Variants in TAFA1 observed in about 807,000 individuals in gnomAD.
The protein encoded by TAFA1 is chemokine-like protein TAFA-1.
Under a neutral mutation model 18.5 loss-of-function variants are expected in TAFA1, and 4 were observed. That is an observed-to-expected ratio of 0.22 (90% CI 0.11 to 0.49). The LOEUF (loss-of-function observed/expected upper bound fraction) is 0.49. Among genes scored for constraint, TAFA1 ranks in the 20% least tolerant of loss-of-function variants. TAFA1 has a pLI of 0.98. For synonymous variants in TAFA1, 56 were observed against 55.2 expected (o/e 1.01, Z -0.06); for missense variants, 147 against 169.0 (o/e 0.87, Z 0.72).
At chr3:68,193,896 T>A (rs2066378801) in intron 2 of TAFA1, among the ~76,000 whole-genome samples, 1 of 151,744 alleles carries the variant, frequency 6.6e-6, no homozygotes, top group Non-Finnish European at 1.5e-5. Flanking sequence ...GGTTTGCAGT[T>A]CAGTTGTGGT....
At chr3:68,254,053 G>A (rs929563431) in intron 2 of TAFA1, among the ~76,000 whole-genome samples, 3 of 151,930 alleles carry the variant, frequency 2.0e-5, no homozygotes, top group Non-Finnish European at 4.4e-5. Context: ...GGAACTCTGT[G>A]TTTCTGTCTA....
intron 2 of TAFA1, among the ~76,000 whole-genome samples, chr3:68,398,805 G>A (rs919869259): frequency 4.6e-5 from 7 of 152,106 alleles, no homozygotes; most frequent in Admixed American, 4.6e-4. Flanking sequence ...CTGTCAAATT[G>A]ACATCTAATC....
At chr3:68,426,111 T>A (rs1459522914) in intron 3 of TAFA1, among the ~76,000 whole-genome samples, 1 of 151,902 alleles carries the variant, frequency 6.6e-6, no homozygotes, top group African/African-American at 2.4e-5. Flanking sequence ...ATATATAATC[T>A]GTTGTGAATA....
intron 2 of TAFA1, among the ~76,000 whole-genome samples, chr3:68,312,938 TA>T (rs1379914025): frequency 6.6e-6 from 1 of 152,096 alleles, no homozygotes; most frequent in Non-Finnish European, 1.5e-5. Flanking sequence ...GCCTCACAAT[TA>T]TGGTGGAAGA....
intron 2 of TAFA1, among the ~76,000 whole-genome samples, chr3:68,333,311 C>T (rs376419492): frequency 5.9e-5 from 9 of 152,114 alleles, no homozygotes; most frequent in African/African-American, 1.4e-4. Context: ...TACTACTGCA[C>T]GTAGTGAGAT....
chr3:68,006,199 AG>A, intron 1 of TAFA1: 2 of 159,804 alleles, frequency 1.3e-5, no homozygotes, highest in Non-Finnish European at 2.8e-5. Context: ...AAAAAAAAAA[AG>A]AACCCACTCT....
rs181713898 is a variant in TAFA1 at position 68,425,018 on chromosome 3, C to G, written c.259+7598C>G. ...GAAGATAGCTAAGTGTTGCCTAAGA[C>G]TGGCTGGCCAGAGAGTACACAACTG... On this transcript the variant is annotated intron_variant, in intron 3 of 4. Transcript: ENST00000478136. Among the ~76,000 whole-genome samples, 6 of 152,084 alleles carry G rather than the reference C, an allele frequency of 3.9e-5. No homozygotes were observed. The East Asian group carries it at 9.7e-4, about 25-fold the overall frequency.
intron 2 of TAFA1, among the ~76,000 whole-genome samples, chr3:68,271,140 C>T (rs2067659297): frequency 6.6e-6 from 1 of 152,096 alleles, no homozygotes; most frequent in South Asian, 2.1e-4. Flanking sequence ...TGCCCCTTCC[C>T]CCTTCCTCTC....
chr3:68,403,483 T>G (rs915047383), intron 2 of TAFA1, among the ~76,000 whole-genome samples: 9 of 152,350 alleles, frequency 5.9e-5, no homozygotes, highest in African/African-American at 1.9e-4. Flanking sequence ...CAAACTGGCC[T>G]GTAGGCCAAA....
At chr3:68,416,977 G>A (rs962263307) in intron 2 of TAFA1, among the ~76,000 whole-genome samples, 8 of 152,184 alleles carry the variant, frequency 5.3e-5, no homozygotes, top group African/African-American at 1.7e-4. Flanking sequence ...TTTAAATCAG[G>A]CAGCATCTTT....
chr3:68,352,963 A>G (rs2069296597), intron 2 of TAFA1, among the ~76,000 whole-genome samples: 1 of 152,124 alleles, frequency 6.6e-6, no homozygotes, highest in Admixed American at 6.6e-5. Context: ...AATCTAAAAC[A>G]GAATCAAAAA....
chr3:68,405,699 C>CCAAAAA (rs1559655011), intron 2 of TAFA1, among the ~76,000 whole-genome samples: 2 of 32,850 alleles, frequency 6.1e-5, no homozygotes, highest in Non-Finnish European at 1.6e-4. Context: ...GACTCTATCT[C>CCAAAAA]AAAAAAAAAA....
At chr3:68,521,238 C>T (rs2073016828) in intron 3 of TAFA1, among the ~76,000 whole-genome samples, 1 of 152,190 alleles carries the variant, frequency 6.6e-6, no homozygotes, top group Admixed American at 6.5e-5. Flanking sequence ...GCGCCCTCCC[C>T]AGCAGACCTT....
intron 2 of TAFA1, among the ~76,000 whole-genome samples, chr3:68,070,721 G>T (rs1422469741): frequency 6.6e-6 from 1 of 152,086 alleles, no homozygotes; most frequent in Admixed American, 6.5e-5. Flanking sequence ...TGAATGTTTT[G>T]CTGCTTAGAA....
intron 2 of TAFA1, among the ~76,000 whole-genome samples, chr3:68,076,431 A>G (rs1350074941): frequency 6.7e-6 from 1 of 149,402 alleles, no homozygotes; most frequent in Non-Finnish European, 1.5e-5. Flanking sequence ...AGCATTAGGT[A>G]TATCTCCCAA....
intron 2 of TAFA1, among the ~76,000 whole-genome samples, chr3:68,066,667 G>A (rs904008682): frequency 6.6e-6 from 1 of 152,158 alleles, no homozygotes; most frequent in Non-Finnish European, 1.5e-5. Context: ...TTTCATGAGA[G>A]GAGCTGACCA....
intron 2 of TAFA1, among the ~76,000 whole-genome samples, chr3:68,097,851 G>A (rs901774634): frequency 3.3e-5 from 5 of 152,124 alleles, no homozygotes; most frequent in African/African-American, 7.2e-5. Flanking sequence ...AAAGAGTTGA[G>A]GCAGATGCTC....
intron 2 of TAFA1, among the ~76,000 whole-genome samples, chr3:68,385,339 A>T (rs779690688): frequency 6.6e-6 from 1 of 152,106 alleles, no homozygotes; most frequent in Non-Finnish European, 1.5e-5. Context: ...ATAAATCCTG[A>T]TCAAAGACTA....
intron 2 of TAFA1, among the ~76,000 whole-genome samples, chr3:68,021,167 C>A (rs1704680223): frequency 1.4e-5 from 1 of 70,642 alleles, no homozygotes; most frequent in Non-Finnish European, 2.6e-5. Context: ...GCCTAGTCAA[C>A]AGAACAAGAC....
Sources: gnomAD v4.1 joint callset for allele counts (sites outside exome capture counted in the v4.1 genomes callset) on GRCh38, gnomAD v4.1.1 for gene constraint, MANE v1.5 for transcripts, NCBI Gene and HGNC (gene_info 2026-07-23, HGNC 2026-07-21) for gene names.